The following SSBP2 variants were observed in gnomAD, a reference collection of about 807,000 sequenced individuals.
SSBP2 encodes the protein single stranded DNA binding protein 2, also known as single-stranded DNA-binding protein 2.
Under a neutral mutation model 61.8 loss-of-function variants are expected in SSBP2, and 17 were observed. The ratio of observed to expected loss-of-function variants is 0.28; its 90% CI spans 0.19 to 0.41. The LOEUF (loss-of-function observed/expected upper bound fraction) is 0.41. Ranked by LOEUF, SSBP2 falls within the 10% of genes least tolerant of loss-of-function variation. The pLI is 1.00. For missense variants in SSBP2, 310 were observed against 458.7 expected, an observed-to-expected ratio of 0.68 and a Z score of 2.96; for synonymous variants, 139 against 141.3, an observed-to-expected ratio of 0.98 and a Z score of 0.12.
chr5:81,422,688 C>T (rs1761687590), intron 16 of SSBP2, among the ~76,000 whole-genome samples: 1 of 152,068 alleles, frequency 6.6e-6, no homozygotes, highest in Non-Finnish European at 1.5e-5. Flanking sequence ...TAGAGGGAAA[C>T]TGCCAGAAAC....
intron 10 of SSBP2, among the ~76,000 whole-genome samples, chr5:81,450,966 T>C (rs1211728769): frequency 6.6e-6 from 1 of 152,186 alleles, no homozygotes; most frequent in African/African-American, 2.4e-5. Context: ...TCTTAACAAA[T>C]ATCTGGAAGC....
At chr5:81,552,308 C>T (rs182195769) in intron 4 of SSBP2, among the ~76,000 whole-genome samples, 1 of 152,146 alleles carries the variant, frequency 6.6e-6, no homozygotes, top group Admixed American at 6.5e-5. Flanking sequence ...TAATTATCAT[C>T]GGAAACTGTA....
chr5:81,545,075 C>G (rs1039720650), intron 4 of SSBP2, among the ~76,000 whole-genome samples: 9 of 152,220 alleles, frequency 5.9e-5, no homozygotes, highest in Non-Finnish European at 1.0e-4. Flanking sequence ...CTCCTCTACA[C>G]TTTAGGGTGG....
At chr5:81,483,852 C>T (rs1766185040) in intron 6 of SSBP2, among the ~76,000 whole-genome samples, 1 of 151,964 alleles carries the variant, frequency 6.6e-6, no homozygotes, top group African/African-American at 2.4e-5. Flanking sequence ...AAGCTCTTTA[C>T]CACATGCAGC....
chr5:81,578,942 T>G (rs2153467687), intron 4 of SSBP2, among the ~76,000 whole-genome samples: 1 of 152,116 alleles, frequency 6.6e-6, no homozygotes, highest in East Asian at 1.9e-4. Context: ...TAGACTAAAA[T>G]TAAAGAACCT....
chr5:81,575,620 T>G (rs1389106788), intron 4 of SSBP2, among the ~76,000 whole-genome samples: 2 of 151,450 alleles, frequency 1.3e-5, no homozygotes, highest in Non-Finnish European at 2.9e-5. Context: ...AAACAGAAAA[T>G]GAGAAGAATA....
intron 1 of SSBP2, among the ~76,000 whole-genome samples, chr5:81,718,944 A>G (rs1300293892): frequency 6.6e-6 from 1 of 152,200 alleles, no homozygotes; most frequent in Admixed American, 6.5e-5. Context: ...TGAACCTCTT[A>G]CATAAATATC....
At chr5:81,612,998 T>C (rs529928029) in intron 4 of SSBP2, among the ~76,000 whole-genome samples, 1 of 152,086 alleles carries the variant, frequency 6.6e-6, no homozygotes, top group African/African-American at 2.4e-5. Flanking sequence ...GGAAATCCTA[T>C]TCATGAAAAT....
At chr5:81,716,083 A>G (rs527754044) in intron 1 of SSBP2, among the ~76,000 whole-genome samples, 2 of 152,144 alleles carry the variant, frequency 1.3e-5, no homozygotes, top group African/African-American at 4.8e-5. Flanking sequence ...CAACAACAAA[A>G]AAAAAACAGG....
chr5:81,632,575 C>T (rs1045775821), intron 3 of SSBP2, among the ~76,000 whole-genome samples: 1 of 152,130 alleles, frequency 6.6e-6, no homozygotes, highest in Non-Finnish European at 1.5e-5. Context: ...TCTCCTCTTG[C>T]CACAAGGGTA....
intron 13 of SSBP2, among the ~76,000 whole-genome samples, chr5:81,441,476 C>G (rs1408591163): frequency 2.0e-5 from 3 of 152,300 alleles, no homozygotes. Context: ...ATTTTCTCTT[C>G]AAATTTCCCA....
chr5:81,523,348 T>G (rs1052824379), intron 4 of SSBP2, among the ~76,000 whole-genome samples: 2 of 152,074 alleles, frequency 1.3e-5, no homozygotes, highest in African/African-American at 4.8e-5. Context: ...ACTGAGCTTC[T>G]TGCATTCTGT....
intron 4 of SSBP2, among the ~76,000 whole-genome samples, chr5:81,555,103 C>A (rs753211533): frequency 1.1e-4 from 16 of 152,132 alleles, no homozygotes; most frequent in East Asian, 3.9e-4. Context: ...AATAAAATTT[C>A]TTTGCCTTGT....
intron 3 of SSBP2, among the ~76,000 whole-genome samples, chr5:81,624,566 T>G (rs1370978872): frequency 2.0e-5 from 3 of 152,208 alleles, no homozygotes; most frequent in African/African-American, 7.2e-5. Flanking sequence ...TTTTAGATTT[T>G]GGATCTCAGG....
At chr5:81,510,541 T>C (rs1444580808) in intron 5 of SSBP2, among the ~76,000 whole-genome samples, 1 of 152,096 alleles carries the variant, frequency 6.6e-6, no homozygotes, top group Non-Finnish European at 1.5e-5. Context: ...GGCGGGCAGA[T>C]AATGAAGTCA....
At chr5:81,691,150 C>T (rs1332356095) in intron 1 of SSBP2, among the ~76,000 whole-genome samples, 2 of 151,830 alleles carry the variant, frequency 1.3e-5, no homozygotes, top group Non-Finnish European at 2.9e-5. Context: ...TCTAACAATG[C>T]ATCTTAAAGA....
intron 6 of SSBP2, among the ~76,000 whole-genome samples, chr5:81,486,490 A>G (rs1486285240): frequency 6.6e-6 from 1 of 152,130 alleles, no homozygotes; most frequent in Non-Finnish European, 1.5e-5. Flanking sequence ...CTAATAACAC[A>G]CTTATACTAG....
chr5:81,568,624 T>C (rs1773617327), intron 4 of SSBP2, among the ~76,000 whole-genome samples: 1 of 152,196 alleles, frequency 6.6e-6, no homozygotes, highest in Non-Finnish European at 1.5e-5. Context: ...GAAGAATACA[T>C]GAAATAACGT....
chr5:81,646,684 T>C (rs1749297252), intron 2 of SSBP2, among the ~76,000 whole-genome samples: 1 of 132,428 alleles, frequency 7.6e-6, no homozygotes, highest in Non-Finnish European at 1.6e-5. Context: ...AACCTGATGA[T>C]GTCATTTTTT....
Sources: gnomAD v4.1 joint callset for allele counts (sites outside exome capture counted in the v4.1 genomes callset) on GRCh38, gnomAD v4.1.1 for gene constraint, MANE v1.5 for transcripts, NCBI Gene and HGNC (gene_info 2026-07-23, HGNC 2026-07-21) for gene names.